SYBU: variants seen among roughly 807,000 people sequenced by gnomAD.
SYBU encodes the protein GOLSYN A protein.
Under a neutral mutation model 35.9 loss-of-function variants are expected in SYBU, and 21 were observed. The observed-to-expected ratio is 0.58, with a 90% CI of 0.41 to 0.84. The LOEUF is 0.84. Ranked by LOEUF, SYBU falls within the 40% of genes least tolerant of loss-of-function variation. SYBU has a pLI of 0.00. For missense variants in SYBU, 768 were observed against 848.2 expected (o/e 0.91, Z 1.17); for synonymous variants, 319 against 324.3 (o/e 0.98, Z 0.18).
intron 5 of SYBU, 134 bp downstream of exon 5, chr8:109,579,665 G>A: frequency 1.2e-6 from 1 of 808,234 alleles, no homozygotes; most frequent in East Asian, 2.7e-5. Context: ...AGCCGAATGT[G>A]GGAAAGAAAA....
At position 109,622,357 on chromosome 8, in the gene SYBU, G is replaced by C. The variant is rs186457011; in HGVS notation, c.230-3318C>G. On this transcript the variant is annotated intron_variant, in intron 2 of 6. Transcript: ENST00000276646. ...AGTGATTCTCCTGCCTCAGCCTCCT[G>C]AGTAGCTGGGATTACAAGCATGTAC... 2.0e-5 allele frequency among the ~76,000 whole-genome samples: 3 copies of C among 152,008 alleles called. No homozygotes were observed. In the East Asian group the frequency reaches 5.8e-4, roughly 29 times the overall value.
chr8:109,669,031 A>T (rs1490270940), intron 1 of SYBU, among the ~76,000 whole-genome samples: 2 of 152,178 alleles, frequency 1.3e-5, no homozygotes, highest in Non-Finnish European at 2.9e-5. Flanking sequence ...TATTTCTCTG[A>T]CACTGAATTA....
At position 109,673,104 on chromosome 8, in the gene SYBU, G is replaced by T. The variant is rs373068313; in HGVS notation, c.-129+7607C>A. The stretch of plus-strand genomic sequence containing the variant: ...GGGGGAAGGGGCGGCTGTGGACACA[G>T]CTTCAGCAGACTTAAACGTTCCTGC... On this transcript the variant is annotated intron_variant, in intron 1 of 5. Transcript: ENST00000408889. Among the ~76,000 whole-genome samples, 59 of 152,336 alleles carry T rather than the reference G, an allele frequency of 3.9e-4. 1 individual carries two copies. In the South Asian group the frequency reaches 0.012, roughly 30 times the overall value.
Position 109,644,676 on chromosome 8 carries a change from G to T in SYBU, c.-17C>A, listed in dbSNP as rs538635329. ...GGGCCCCATCGCGCCGCTGCCCGCC[G>T]GCTCCTCGCGCCGCCGCTGCCGCCG... On this transcript the variant is annotated 5_prime_UTR_variant, in exon 1 of 7. Transcript: ENST00000276646. The T allele has an allele frequency of 4.0e-6, 6 of 1,512,842 alleles. No homozygotes were observed. In the South Asian group the frequency reaches 6.1e-5, roughly 15 times the overall value. 93.7% of individuals were successfully genotyped at this position (1,512,842 alleles called of 1,614,324 possible). A position where few individuals can be genotyped will look rare whatever the true frequency, so the allele number is the denominator to read the frequency against.
chr8:109,623,056 C>T (rs1234468941), intron 2 of SYBU, among the ~76,000 whole-genome samples: 2 of 152,004 alleles, frequency 1.3e-5, no homozygotes, highest in Admixed American at 6.6e-5. Flanking sequence ...CACAAACGCA[C>T]ACCCCTCTTA....
intron 1 of SYBU, chr8:109,643,170 CACAT>C (rs1383849815): frequency 1.1e-4 from 127 of 1,122,438 alleles, no homozygotes; most frequent in African/African-American, 8.1e-4. Flanking sequence ...CACACACACA[CACAT>C]ATACACACCT....
intron 2 of SYBU, among the ~76,000 whole-genome samples, chr8:109,621,863 G>T (rs539103885): frequency 2.1e-4 from 32 of 152,218 alleles, no homozygotes; most frequent in Non-Finnish European, 3.7e-4. Context: ...TACTACAGAG[G>T]GCACACTTTA....
chr8:109,670,976 T>G (rs1816958231), intron 1 of SYBU, among the ~76,000 whole-genome samples: 1 of 152,202 alleles, frequency 6.6e-6, no homozygotes, highest in Admixed American at 6.5e-5. Context: ...CTGTTTGTGC[T>G]AAACAGATAA....
In SYBU at chr8:109,575,274, C is replaced by T. The variant is rs759449078; in HGVS notation, c.1624G>A (p.Asp542Asn). 1.2e-6 allele frequency: 2 copies of T among 1,614,192 alleles called. No individual in the cohort carries two copies. The highest frequency in any genetic ancestry group is 2.2e-5 in the South Asian group (2 of 91,082). ...FPESLSALVV[D>N]LTPRNPNSAI... is the part of the protein sequence containing the mutation. ...GAGTTTGGATTTCTTGGAGTTAAAT[C>T]AACCACTAAGGCAGAGAGGGACTCT... is the stretch of plus-strand genomic sequence containing the variant. Residue 542 changes from aspartate to asparagine, a missense_variant, in exon 7 of 7, where the codon GAT becomes AAT. Physicochemically the swap from Asp to Asn is conservative, Grantham distance 23. Coordinates refer to ENST00000276646, the MANE Select transcript of SYBU (RefSeq NM_001099754.2).
At chr8:109,576,345 G>A (rs1822313818) in intron 6 of SYBU, among the ~76,000 whole-genome samples, 1 of 151,898 alleles carries the variant, frequency 6.6e-6, no homozygotes. Flanking sequence ...AATTTTTTTT[G>A]AGTACTCATT....
chr8:109,658,184 G>C (rs546762169), intron 1 of SYBU, among the ~76,000 whole-genome samples: 2 of 152,284 alleles, frequency 1.3e-5, no homozygotes, highest in East Asian at 3.9e-4. Context: ...ACAAGTTTTA[G>C]GTTAATTAAG....
At chr8:109,630,360 A>C (rs1813476308) in intron 2 of SYBU, among the ~76,000 whole-genome samples, 1 of 151,346 alleles carries the variant, frequency 6.6e-6, no homozygotes, top group Non-Finnish European at 1.5e-5. Context: ...CCAGCATGGC[A>C]CATGTATACA....
At chr8:109,611,313 T>A (rs1811137458) in intron 3 of SYBU, among the ~76,000 whole-genome samples, 1 of 152,164 alleles carries the variant, frequency 6.6e-6, no homozygotes, top group Non-Finnish European at 1.5e-5. Flanking sequence ...AAGAAGAGGA[T>A]TATAATTCAC....
intron 2 of SYBU, among the ~76,000 whole-genome samples, chr8:109,623,459 C>G (rs1399299439): frequency 1.9e-4 from 29 of 152,214 alleles, no homozygotes; most frequent in Middle Eastern, 6.8e-3. Flanking sequence ...TGTGGGCTAT[C>G]TAAAGTACTG....
chr8:109,627,426 T>C (rs1813109851), intron 2 of SYBU, among the ~76,000 whole-genome samples: 1 of 152,228 alleles, frequency 6.6e-6, no homozygotes, highest in Non-Finnish European at 1.5e-5. Context: ...TCTTACCACA[T>C]ACCTTTCGGT....
At chr8:109,682,765 C>T (rs948912799), upstream of SYBU, among the ~76,000 whole-genome samples, 5 of 152,184 alleles carry the variant, frequency 3.3e-5, no homozygotes, top group Admixed American at 1.3e-4. Flanking sequence ...CAGTCCCTCC[C>T]ATCACAGACC....
chr8:109,678,616 T>C (rs1447723313), intron 1 of SYBU, among the ~76,000 whole-genome samples: 4 of 152,008 alleles, frequency 2.6e-5, no homozygotes, highest in East Asian at 3.9e-4. Context: ...AATTTTTGTA[T>C]TTTTAGTAGA....
chr8:109,588,992 T>G (rs1823930160), intron 3 of SYBU, among the ~76,000 whole-genome samples: 1 of 152,050 alleles, frequency 6.6e-6, no homozygotes, highest in Non-Finnish European at 1.5e-5. Context: ...AAACCCTGTC[T>G]CTACTAAAAA....
At chr8:109,677,499 C>T (rs938408781) in intron 1 of SYBU, among the ~76,000 whole-genome samples, 1 of 152,152 alleles carries the variant, frequency 6.6e-6, no homozygotes, top group Admixed American at 6.5e-5. Flanking sequence ...CTTTGAAAAA[C>T]AACAGATGAA....
Sources: allele counts gnomAD v4.1 joint callset (sites outside exome capture counted in the v4.1 genomes callset), GRCh38; gene constraint gnomAD v4.1.1; transcripts MANE v1.5; gene names NCBI Gene and HGNC (gene_info 2026-07-23, HGNC 2026-07-21).